The following G3BP1 variants were observed in gnomAD, a reference collection of about 807,000 sequenced individuals.
The protein encoded by G3BP1 is G3BP stress granule assembly factor 1.
G3BP1 carries 35 observed loss-of-function variants against 58.6 expected under a neutral mutation model. The observed-to-expected ratio is 0.60, with a 90% CI of 0.46 to 0.79. The LOEUF (loss-of-function observed/expected upper bound fraction) is 0.79, where lower values mean the gene tolerates loss of function less well. G3BP1 is among the 30% of genes least tolerant of loss of function. G3BP1 has a pLI of 0.00. For synonymous variants in G3BP1, 191 were observed against 195.4 expected (o/e 0.98, Z 0.19); for missense variants, 523 against 580.8 (o/e 0.90, Z 1.02).
intron 7 of G3BP1, among the ~76,000 whole-genome samples, chr5:151,798,382 A>T (rs1392476410): frequency 1.3e-5 from 2 of 152,166 alleles, no homozygotes; most frequent in African/African-American, 4.8e-5. Flanking sequence ...GTGGAAAAGT[A>T]GGTTGGCTGG....
chr5:151,775,846 G>C (rs1048418127), intron 1 of G3BP1, among the ~76,000 whole-genome samples: 1 of 152,202 alleles, frequency 6.6e-6, no homozygotes, highest in Non-Finnish European at 1.5e-5. Context: ...TCTGATTCCT[G>C]AAGTTTTTTT....
Position 151,807,659 on chromosome 5 carries a change from A to G in G3BP1, c.*3568A>G, listed in dbSNP as rs766886860. On this transcript the variant is annotated 3_prime_UTR_variant, in exon 12 of 12. Coordinates refer to ENST00000356245, the MANE Select transcript of G3BP1 (RefSeq NM_005754.3). Reference sequence around the variant, plus strand: ...TATAGTATAATCCAGGTGAGTTTATAGAATTTGTGTTTTGTGCTTATAAAC... The same window carrying G: ...TATAGTATAATCCAGGTGAGTTTATGGAATTTGTGTTTTGTGCTTATAAAC... 1 of 152,214 alleles carries G rather than the reference A, an allele frequency of 6.6e-6. No homozygotes were observed. The highest frequency in any genetic ancestry group is 1.5e-5 in the Non-Finnish European group (1 of 68,028). 9.4% of individuals were successfully genotyped at this position (152,214 alleles called of 1,614,324 possible). A position where few individuals can be genotyped will look rare whatever the true frequency, so the allele number is the denominator to read the frequency against.
intron 1 of G3BP1, among the ~76,000 whole-genome samples, chr5:151,774,913 C>G (rs1190373023): frequency 1.4e-5 from 2 of 146,714 alleles, no homozygotes; most frequent in Non-Finnish European, 3.0e-5. Context: ...TTTTATATCT[C>G]AGAAATCAGC....
chr5:151,799,424 G>T (rs1762812624), intron 8 of G3BP1, 111 bp downstream of exon 8: 3 of 677,224 alleles, frequency 4.4e-6, no homozygotes, highest in Non-Finnish European at 8.1e-6. Context: ...TGTGGCTCAT[G>T]CCTGTAATCC....
intron 2 of G3BP1, among the ~76,000 whole-genome samples, chr5:151,788,893 T>G (rs968337081): frequency 6.6e-6 from 1 of 151,846 alleles, no homozygotes; most frequent in Admixed American, 6.6e-5. Flanking sequence ...TTCTCCTGCC[T>G]TAGTCTCCCG....
intron 1 of G3BP1, among the ~76,000 whole-genome samples, chr5:151,774,716 CA>C (rs1177088840): frequency 1.8e-3 from 248 of 136,996 alleles, no homozygotes; most frequent in Admixed American, 1.8e-3. Context: ...GTAGGTAGGT[CA>C]AAAAAAAAAA....
chr5:151,800,136 G>T, intron 9 of G3BP1, 82 bp from the exon 10 acceptor site: 2 of 1,396,890 alleles, frequency 1.4e-6, no homozygotes, highest in South Asian at 2.4e-5. Context: ...TTAGTGTAGA[G>T]GGAAAACTAT....
At chr5:151,795,883 G>A (rs2113241688) in intron 6 of G3BP1, among the ~76,000 whole-genome samples, 1 of 152,216 alleles carries the variant, frequency 6.6e-6, no homozygotes, top group East Asian at 1.9e-4. Context: ...ATGTATTGAG[G>A]TATTAAATGC....
intron 4 of G3BP1, among the ~76,000 whole-genome samples, chr5:151,793,357 C>T (rs938992886): frequency 5.3e-5 from 8 of 152,176 alleles, no homozygotes; most frequent in Non-Finnish European, 1.0e-4. Context: ...GATCTGCCTG[C>T]CTCGGCCTCC....
chr5:151,789,378 AAT>A (rs1762608642), intron 2 of G3BP1, among the ~76,000 whole-genome samples: 1 of 152,172 alleles, frequency 6.6e-6, no homozygotes, highest in Admixed American at 6.5e-5. Context: ...TAAAAAAAAA[AAT>A]GTATTTATCT....
Position 151,797,211 on chromosome 5 carries a change from A to C in G3BP1, c.540-16A>C. The C allele has an allele frequency of 1.2e-6, 2 of 1,612,050 alleles. No homozygotes were observed. The highest frequency in any genetic ancestry group is 8.5e-7 in the Non-Finnish European group (1 of 1,178,910). Reference sequence around the variant, plus strand: ...AATGGTGGCAGAATGATATTTCTCAAATTTTCCTGTCAAAGTAATGACATG... The same window carrying C: ...AATGGTGGCAGAATGATATTTCTCACATTTTCCTGTCAAAGTAATGACATG... On this transcript the variant is annotated splice_polypyrimidine_tract_variant and intron_variant, in intron 6 of 11. Coordinates refer to ENST00000356245, the MANE Select transcript of G3BP1 (RefSeq NM_005754.3).
At chr5:151,773,490 A>C (rs1561528852) in intron 1 of G3BP1, among the ~76,000 whole-genome samples, 1 of 152,210 alleles carries the variant, frequency 6.6e-6, no homozygotes, top group Non-Finnish European at 1.5e-5. Flanking sequence ...TATATGCAGA[A>C]ACAAGATGCT....
intron 1 of G3BP1, chr5:151,772,371 C>T (rs1762283047): frequency 6.7e-6 from 1 of 149,252 alleles, no homozygotes; most frequent in African/African-American, 2.6e-5. Context: ...CGTTTCCCGC[C>T]CGCCACCCTC....
chr5:151,796,838 ATATACCTTATAAACAGAC>A (rs1358979144), intron 6 of G3BP1, among the ~76,000 whole-genome samples: 5 of 152,044 alleles, frequency 3.3e-5, no homozygotes, highest in Non-Finnish European at 7.4e-5. Context: ...AGATAACTTT[ATATACCTTATAAACAGAC>A]TATACCCATT....
rs896267571 is a variant in G3BP1, at chr5:151,806,761, T to C, written c.*2670T>C. On this transcript the variant is annotated 3_prime_UTR_variant, in exon 12 of 12. Coordinates refer to ENST00000356245, the MANE Select transcript of G3BP1 (RefSeq NM_005754.3). Reference sequence around the variant, plus strand: ...AATGGCCCAATGTATAGTTATTAGCTACTGAGCTTAGAACTCTTGACCCAT... The same window carrying C: ...AATGGCCCAATGTATAGTTATTAGCCACTGAGCTTAGAACTCTTGACCCAT... 6.6e-6 allele frequency: 1 copy of C among 152,202 alleles called. No individual in the cohort carries two copies. The highest frequency in any genetic ancestry group is 1.9e-4 in the East Asian group (1 of 5,206). The allele number at this position is 152,202 out of a possible 1,614,324, so 9.4% of individuals were successfully genotyped here. A position where few individuals can be genotyped will look rare whatever the true frequency, so the allele number is the denominator to read the frequency against.
At chr5:151,785,469 T>C (rs1762540859) in intron 1 of G3BP1, among the ~76,000 whole-genome samples, 1 of 152,244 alleles carries the variant, frequency 6.6e-6, no homozygotes, top group African/African-American at 2.4e-5. Flanking sequence ...AATTTTTCTT[T>C]CTTTTCTGCG....
Position 151,810,812 on chromosome 5 carries a change from GA to G in G3BP1, c.*6725del, listed in dbSNP as rs1763007733. Reference sequence around the variant, plus strand: ...TTAGGCACTATACCATTTCAGTGGAGAAAATTGTTGGGAAATTTGGGGGGAT... The same window carrying G: ...TTAGGCACTATACCATTTCAGTGGAGAAATTGTTGGGAAATTTGGGGGGAT... On this transcript the variant is annotated 3_prime_UTR_variant, in exon 12 of 12. Transcript: ENST00000356245. 6.6e-6 allele frequency: 1 copy of G among 151,792 alleles called. No homozygotes were observed. The highest frequency in any genetic ancestry group is 2.4e-5 in the African/African-American group (1 of 41,284). The allele number at this position is 151,792 out of a possible 1,614,324, so 9.4% of individuals were successfully genotyped here.
rs933589695 is a variant in G3BP1 at position 151,797,156 on chromosome 5, A to G, written c.540-71A>G. ...AACTCTGTGTTCTGGTTTCTGATTA[A>G]TAAATGATGGAGGAATTTTTTGTGA... On this transcript the variant is annotated intron_variant, in intron 6 of 11. Transcript: ENST00000356245. 4.1e-6 allele frequency: 6 copies of G among 1,472,738 alleles called. No homozygotes were observed. The East Asian group carries it at 9.4e-5, about 23-fold the overall frequency. The allele number at this position is 1,472,738 out of a possible 1,614,324, so 91.2% of individuals were successfully genotyped here. A position where few individuals can be genotyped will look rare whatever the true frequency, so the allele number is the denominator to read the frequency against.
rs749092710 is a variant in G3BP1 at position 151,791,072 on chromosome 5, G to C, written c.351+10G>C. 1 of 1,604,010 alleles carries C rather than the reference G, an allele frequency of 6.2e-7. No homozygotes were observed. Among genetic ancestry groups the C allele is most frequent in the Non-Finnish European group, 8.5e-7 (1 of 1,171,136 alleles). Reference sequence around the variant, plus strand: ...TGTCCTTGCTCCTGAGGTATGTGTAGGAATGATTATTTTGTAGTGATCCAA... The same window carrying C: ...TGTCCTTGCTCCTGAGGTATGTGTACGAATGATTATTTTGTAGTGATCCAA... On this transcript the variant is annotated intron_variant, in intron 4 of 11. Coordinates refer to ENST00000356245, the MANE Select transcript of G3BP1 (RefSeq NM_005754.3).
Sources: gnomAD v4.1 joint callset for allele counts (sites outside exome capture counted in the v4.1 genomes callset) on GRCh38, gnomAD v4.1.1 for gene constraint, MANE v1.5 for transcripts, NCBI Gene and HGNC (gene_info 2026-07-23, HGNC 2026-07-21) for gene names.